The following ISY1 variants were observed in gnomAD, a reference collection of about 807,000 sequenced individuals.
The protein encoded by ISY1 is ISY1 spliceosome associated protein, also known as pre-mRNA-splicing factor ISY1 homolog.
ISY1 carries 12 observed loss-of-function variants against 54.4 expected under a neutral mutation model. That is an observed-to-expected ratio of 0.22 (90% CI 0.14 to 0.36). The LOEUF (loss-of-function observed/expected upper bound fraction) is 0.36. Ranked by LOEUF, ISY1 falls within the 10% of genes least tolerant of loss-of-function variation. ISY1 has a pLI of 1.00. For synonymous variants in ISY1, 96 were observed against 117.9 expected, an observed-to-expected ratio of 0.81 and a Z score of 1.20; for missense variants, 282 against 342.2, an observed-to-expected ratio of 0.82 and a Z score of 1.39.
chr3:129,153,499 C>A (rs1040359138), intron 5 of ISY1, among the ~76,000 whole-genome samples: 3 of 152,044 alleles, frequency 2.0e-5, no homozygotes, highest in Admixed American at 2.0e-4. Flanking sequence ...AAAATTTCTT[C>A]AGGGCTGGGC....
intron 6 of ISY1, among the ~76,000 whole-genome samples, chr3:129,142,445 G>T (rs1936648011): frequency 6.6e-6 from 1 of 152,158 alleles, no homozygotes; most frequent in South Asian, 2.1e-4. Context: ...GAAGCATGAT[G>T]TATTGTAACC....
intron 6 of ISY1, among the ~76,000 whole-genome samples, chr3:129,141,284 T>C (rs1413578616): frequency 2.0e-5 from 3 of 151,930 alleles, no homozygotes; most frequent in African/African-American, 7.3e-5. Context: ...CCCAGCACTC[T>C]GGGACACCAA....
intron 5 of ISY1, among the ~76,000 whole-genome samples, chr3:129,151,426 C>T (rs941934489): frequency 6.6e-6 from 1 of 151,248 alleles, no homozygotes; most frequent in Non-Finnish European, 1.5e-5. Context: ...GTTGGGAGTT[C>T]GAGACCAGGC....
At chr3:129,131,950 C>T (rs528778524) in intron 9 of ISY1, among the ~76,000 whole-genome samples, 2 of 152,154 alleles carry the variant, frequency 1.3e-5, no homozygotes, top group African/African-American at 4.8e-5. Flanking sequence ...ACACCTCAGC[C>T]TCCTGAGTAG....
At chr3:129,140,953 C>G (rs1936587959) in intron 6 of ISY1, among the ~76,000 whole-genome samples, 1 of 151,716 alleles carries the variant, frequency 6.6e-6, no homozygotes, top group South Asian at 2.1e-4. Context: ...ACCTGTAATC[C>G]TAGCACTTTG....
rs998394000 is a variant in ISY1, at chr3:129,128,497, C to G, written c.*1584G>C. The stretch of plus-strand genomic sequence containing the variant: ...TCTCCTTGTGGCCGCACGGAGCGTC[C>G]TCAAGCAAGTCCCTTAGCCACTAGC... On this transcript the variant is annotated 3_prime_UTR_variant, in exon 11 of 11. Coordinates refer to ENST00000393295, the MANE Select transcript of ISY1 (RefSeq NM_020701.4). The G allele has an allele frequency of 6.5e-6, 1 of 152,724 alleles. No individual in the cohort carries two copies. Among genetic ancestry groups the G allele is most frequent in the African/African-American group, 2.4e-5 (1 of 41,460 alleles). The allele number at this position is 152,724 out of a possible 1,614,324, so 9.5% of individuals were successfully genotyped here.
intron 1 of ISY1, among the ~76,000 whole-genome samples, chr3:129,160,036 T>C (rs1171652180): frequency 6.6e-6 from 1 of 152,146 alleles, no homozygotes; most frequent in Non-Finnish European, 1.5e-5. Flanking sequence ...CTTTTTTTTT[T>C]TTTCTTTGAG....
rs575006626 is a variant in ISY1 at position 129,138,488 on chromosome 3, A to C, written c.418+1880T>G. Among the ~76,000 whole-genome samples the C allele has an allele frequency of 6.6e-5, 10 of 151,220 alleles. No homozygotes were observed. The East Asian group carries it at 2.0e-3, about 30-fold the overall frequency. ...GTCTCTACTAAAAATACAAAAAAAA[A>C]ATAAAATTAGCTGGGCATGGTGGCA... is the stretch of plus-strand genomic sequence containing the variant. On this transcript the variant is annotated intron_variant, in intron 7 of 10. Transcript: ENST00000393295.
chr3:129,160,517 G>A (rs1214577888), intron 1 of ISY1, among the ~76,000 whole-genome samples: 1 of 151,870 alleles, frequency 6.6e-6, no homozygotes, highest in Non-Finnish European at 1.5e-5. Context: ...CAGACATTAA[G>A]GAAGCAATAA....
chr3:129,148,411 T>C (rs959123054), intron 5 of ISY1, among the ~76,000 whole-genome samples: 2 of 152,194 alleles, frequency 1.3e-5, no homozygotes, highest in African/African-American at 4.8e-5. Context: ...TAGCAGTGCA[T>C]GAGAGTTCAT....
At chr3:129,134,394 G>A (rs567632310) in intron 8 of ISY1, among the ~76,000 whole-genome samples, 199 bp from the exon 9 acceptor site, 3 of 152,292 alleles carry the variant, frequency 2.0e-5, no homozygotes, top group Admixed American at 2.0e-4. Context: ...TCACTACAAA[G>A]CAGCTTTTTA....
rs188682613 is a variant in ISY1, at chr3:129,140,718, G to T, written c.301-233C>A. ...CCTGAGTAGCTGGGATTACAGGTGC[G>T]TGCCACCACGCCTGGCTAATTTTTG... On this transcript the variant is annotated intron_variant, in intron 6 of 10. Transcript: ENST00000393295. Among the ~76,000 whole-genome samples, 1,376 of 151,896 alleles carry T rather than the reference G, an allele frequency of 9.1e-3. 27 individuals are homozygous for T. Among genetic ancestry groups the T allele is most frequent in the African/African-American group, 0.031 (1,298 of 41,442 alleles).
chr3:129,130,185 C>A lies in ISY1; in HGVS notation c.754G>T (p.Glu252Ter). 1 of 1,605,522 alleles carries A rather than the reference C, an allele frequency of 6.2e-7. No individual in the cohort carries two copies. The highest frequency in any genetic ancestry group is 1.1e-5 in the South Asian group (1 of 89,800). The part of the protein sequence containing the change: ...HVPVPSQQEI[E>*]EALVRRKKME... ...TTCTTCCTTCGCACCAGTGCCTCCT[C>A]AATCTGTGGAAATTAAGAGTGCAGG... Residue 252 changes from glutamate (E) to a stop codon, truncating the protein, a stop_gained, in exon 11 of 11, where the codon GAG becomes TAG. Transcript: ENST00000393295. LOFTEE classifies it high-confidence loss of function.
At chr3:129,159,995 G>A (rs1352569312) in intron 1 of ISY1, among the ~76,000 whole-genome samples, 1 of 152,024 alleles carries the variant, frequency 6.6e-6, no homozygotes, top group African/African-American at 2.4e-5. Flanking sequence ...GCAGTAATTT[G>A]GGATATACCT....
intron 6 of ISY1, among the ~76,000 whole-genome samples, chr3:129,145,519 G>A (rs1426228490): frequency 4.6e-5 from 7 of 152,078 alleles, no homozygotes; most frequent in South Asian, 2.1e-4. Flanking sequence ...TACCATGCCC[G>A]GGCTCATGGT....
chr3:129,144,998 C>A (rs970219154), intron 6 of ISY1, among the ~76,000 whole-genome samples: 3 of 152,066 alleles, frequency 2.0e-5, no homozygotes, highest in African/African-American at 7.2e-5. Flanking sequence ...GCAGCCTCCA[C>A]CTCCCAGGCT....
At chr3:129,137,139 C>G (rs1415374780) in intron 7 of ISY1, 1 of 279,842 alleles carries the variant, frequency 3.6e-6, no homozygotes, top group Non-Finnish European at 5.4e-6. Context: ...ACCTTGTGAT[C>G]CGCCCGCCTC....
intron 9 of ISY1, among the ~76,000 whole-genome samples, chr3:129,130,862 T>C (rs1936218849): frequency 6.6e-6 from 1 of 152,236 alleles, no homozygotes; most frequent in African/African-American, 2.4e-5. Flanking sequence ...TAGAAATTAC[T>C]GACGGCAGTG....
Position 129,140,806 on chromosome 3 carries a change from T to G in ISY1, c.301-321A>C, listed in dbSNP as rs562763439. On this transcript the variant is annotated intron_variant, in intron 6 of 10. Transcript: ENST00000393295. ...GGATGGTCTTGAACTCCTGACCTCA[T>G]GATCCACCCACCTCGGCCTCCCAAA... Among the ~76,000 whole-genome samples, 5 of 152,110 alleles carry G rather than the reference T, an allele frequency of 3.3e-5. No homozygotes were observed. In the South Asian group the frequency reaches 1.0e-3, roughly 32 times the overall value.
Sources: gnomAD v4.1 joint callset for allele counts (sites outside exome capture counted in the v4.1 genomes callset) on GRCh38, gnomAD v4.1.1 for gene constraint, MANE v1.5 for transcripts, NCBI Gene and HGNC (gene_info 2026-07-23, HGNC 2026-07-21) for gene names.